The following CPLANE1 variants were observed in gnomAD, a reference collection of about 807,000 sequenced individuals.
The protein encoded by CPLANE1 is ciliogenesis and planar polarity effector complex subunit 1.
In CPLANE1, 263 loss-of-function variants were observed where a neutral mutation model predicts 362.5. The ratio of observed to expected loss-of-function variants is 0.73; its 90% CI spans 0.66 to 0.80. The LOEUF (loss-of-function observed/expected upper bound fraction) is 0.80. CPLANE1 is among the 30% of genes least tolerant of loss of function. The pLI is 0.00. For synonymous variants in CPLANE1, 1,212 were observed against 1,302.6 expected, an observed-to-expected ratio of 0.93 and a Z score of 1.50; for missense variants, 3,461 against 3,793.4, an observed-to-expected ratio of 0.91 and a Z score of 2.30.
chr5:37,156,127 T>C (rs539465737), intron 41 of CPLANE1, among the ~76,000 whole-genome samples: 1 of 152,374 alleles, frequency 6.6e-6, no homozygotes, highest in Admixed American at 6.5e-5. Flanking sequence ...ACTGTCATTA[T>C]ACAATAATCA....
chr5:37,164,198 T>TGTA (rs1376544628), intron 37 of CPLANE1, 75 bp downstream of exon 37: 1 of 1,161,464 alleles, frequency 8.6e-7, no homozygotes, highest in African/African-American at 1.5e-5. Flanking sequence ...AGCCTCATTT[T>TGTA]CATATTGTAC....
At chr5:37,184,685 A>G in intron 25 of CPLANE1, 103 bp downstream of exon 25, 7 of 881,290 alleles carry the variant, frequency 7.9e-6, no homozygotes, top group Non-Finnish European at 1.2e-5. Flanking sequence ...TATTAATAGC[A>G]CAATCAGTGA....
chr5:37,157,362 C>T lies in CPLANE1; in HGVS notation c.8070G>A (p.Lys2690=), dbSNP rs1213183687. ...KSLRAGITEV[K]EPSVTSPTPS... is the part of the protein sequence containing the mutation. ...GTGTAGGTGAGGTGACACTAGGCTC[C>T]TTCACTTCTGTAATGCCTGCTCTCA... The change falls in exon 41 of 53, where the codon AAG becomes AAA. Residue 2690 remains lysine (K), a synonymous_variant. Coordinates refer to ENST00000651892, the MANE Select transcript of CPLANE1 (RefSeq NM_001384732.1). The T allele has an allele frequency of 1.4e-6, 2 of 1,399,216 alleles. No homozygotes were observed. The highest frequency in any genetic ancestry group is 2.3e-5 in the South Asian group (2 of 88,440). The allele number at this position is 1,399,216 out of a possible 1,614,324, so 86.7% of individuals were successfully genotyped here.
chr5:37,173,394 T>C (rs1000595934), intron 32 of CPLANE1, among the ~76,000 whole-genome samples: 4 of 152,156 alleles, frequency 2.6e-5, no homozygotes, highest in South Asian at 2.1e-4. Context: ...TCAGTAAAAA[T>C]AGGTCATTGT....
chr5:37,217,464 G>A (rs1403576319), intron 15 of CPLANE1, among the ~76,000 whole-genome samples: 1 of 151,374 alleles, frequency 6.6e-6, no homozygotes, highest in Non-Finnish European at 1.5e-5. Flanking sequence ...AAAATTAGCT[G>A]GGCATGGTGG....
chr5:37,232,188 C>T (rs1199848842), intron 8 of CPLANE1, among the ~76,000 whole-genome samples: 1 of 152,118 alleles, frequency 6.6e-6, no homozygotes, highest in African/African-American at 2.4e-5. Context: ...ACTATTGACT[C>T]AGATGTACAG....
chr5:37,107,574 T>A lies in CPLANE1; in HGVS notation c.*28A>T, dbSNP rs372589075. On this transcript the variant is annotated 3_prime_UTR_variant, in exon 53 of 53. Coordinates refer to ENST00000651892, the MANE Select transcript of CPLANE1 (RefSeq NM_001384732.1). ...ACCACATTACTGAGGTGCTGGCCTG[T>A]GCATGGAAACCCAATGATATCCAGG... 2 of 1,586,602 alleles carry A rather than the reference T, an allele frequency of 1.3e-6. No individual in the cohort carries two copies. Among genetic ancestry groups the A allele is most frequent in the African/African-American group, 1.3e-5 (1 of 74,356 alleles).
chr5:37,120,320 C>T lies in CPLANE1; in HGVS notation c.9206G>A (p.Ser3069Asn), dbSNP rs762501521. ...SPRGENQHGH[S>N]FLINRPGKVK... ...TTTTCCAGGTCGATTTATTAGAAAA[C>T]TGTGACCATGTTGATTCTCTCTATA... Residue 3069 changes from serine (S) to asparagine (N), a missense_variant, in exon 50 of 53, where the codon AGT (serine) becomes AAT (asparagine). Ser to Asn is a conservative substitution (Grantham distance 46). This residue lies in a region of CPLANE1 where 3,380 missense variants were observed against 3,666.1 expected (regional missense o/e 0.92). Coordinates refer to ENST00000651892, the MANE Select transcript of CPLANE1 (RefSeq NM_001384732.1). 2 of 1,586,474 alleles carry T rather than the reference C, an allele frequency of 1.3e-6. No homozygotes were observed. The highest frequency in any genetic ancestry group is 1.9e-5 in the Admixed American group (1 of 52,362).
intron 45 of CPLANE1, 37 bp from the exon 46 acceptor site, chr5:37,138,885 G>A: frequency 6.4e-7 from 1 of 1,571,012 alleles, no homozygotes; most frequent in Non-Finnish European, 8.6e-7. Context: ...ATATAAATCA[G>A]TATCTACAAC....
chr5:37,137,971 G>A lies in CPLANE1; in HGVS notation c.8792+749C>T, dbSNP rs560113142. ...TTGCTTTAAGGCCAAGCATTTGGTCGATCTTGGAGTATATTCTGTGTGCAG... is the reference window on the plus strand; with the variant it reads ...TTGCTTTAAGGCCAAGCATTTGGTCAATCTTGGAGTATATTCTGTGTGCAG... On this transcript the variant is annotated intron_variant, in intron 46 of 52. Coordinates refer to ENST00000651892, the MANE Select transcript of CPLANE1 (RefSeq NM_001384732.1). Among the ~76,000 whole-genome samples, 12 of 151,806 alleles carry A rather than the reference G, an allele frequency of 7.9e-5. No homozygotes were observed. The highest frequency in any genetic ancestry group is 1.7e-4 in the African/African-American group (7 of 41,370).
chr5:37,157,766 G>T lies in CPLANE1; in HGVS notation c.7915C>A (p.Gln2639Lys), dbSNP rs200125242. The T allele has an allele frequency of 2.5e-6, 4 of 1,613,634 alleles. No individual in the cohort carries two copies. The highest frequency in any genetic ancestry group is 4.5e-5 in the East Asian group (2 of 44,854). ...EPSNDNVIKQ[Q>K]SDHLAVPSSA... The stretch of plus-strand genomic sequence containing the variant: ...GATGGAACTGCTAGATGATCGCTTT[G>T]CTGTTTGATAACATTATCATTTGAA... The change falls in exon 40 of 53, where the codon CAA becomes AAA. Residue 2639 changes from glutamine to lysine, a missense_variant. By Grantham distance (53) the Gln-to-Lys change is moderately conservative. Around this residue, in one of 2 missense-constraint regions of CPLANE1, gnomAD observed 3,380 missense variants for 3,666.1 expected, o/e 0.92. Coordinates refer to ENST00000651892, the MANE Select transcript of CPLANE1 (RefSeq NM_001384732.1).
chr5:37,189,102 G>A (rs746245189), intron 21 of CPLANE1, among the ~76,000 whole-genome samples: 7 of 152,072 alleles, frequency 4.6e-5, no homozygotes, highest in Non-Finnish European at 7.4e-5. Flanking sequence ...ACCTGCCTTG[G>A]ATTACAGGCA....
intron 2 of CPLANE1, chr5:37,246,152 C>A (rs1739551873): frequency 1.5e-5 from 2 of 129,932 alleles, no homozygotes; most frequent in East Asian, 2.2e-4. Context: ...ACTTTTTAAT[C>A]TTTTTTTTTT....
intron 6 of CPLANE1, among the ~76,000 whole-genome samples, chr5:37,240,226 T>C (rs1315240550): frequency 6.6e-6 from 1 of 152,140 alleles, no homozygotes; most frequent in Non-Finnish European, 1.5e-5. Flanking sequence ...GGAGTGCACC[T>C]GTAATCCAAG....
rs548988455 is a variant in CPLANE1 at position 37,134,944 on chromosome 5, C to T, written c.8792+3776G>A. 5.9e-5 allele frequency among the ~76,000 whole-genome samples: 9 copies of T among 152,114 alleles called. No homozygotes were observed. The East Asian group carries it at 1.2e-3, about 20-fold the overall frequency. On this transcript the variant is annotated intron_variant, in intron 46 of 52. Coordinates refer to ENST00000651892, the MANE Select transcript of CPLANE1 (RefSeq NM_001384732.1). Reference sequence around the variant, plus strand: ...GAGTAGCTGGGATTACAGGCATGTGCCACCATGCCCAGCTAATTTTGTATT... The same window carrying T: ...GAGTAGCTGGGATTACAGGCATGTGTCACCATGCCCAGCTAATTTTGTATT...
chr5:37,147,564 G>A lies in CPLANE1; in HGVS notation c.8461+617C>T, dbSNP rs1174546167. 3.3e-5 allele frequency among the ~76,000 whole-genome samples: 5 copies of A among 151,932 alleles called. No homozygotes were observed. The East Asian group carries it at 9.6e-4, about 29-fold the overall frequency. The stretch of plus-strand genomic sequence containing the variant: ...AATAAAGTTAGAAAAAAGCCAACAA[G>A]TTAATGCCCCCAAAATAGAAGAAAT... On this transcript the variant is annotated intron_variant, in intron 43 of 52. Transcript: ENST00000651892.
chr5:37,213,478 T>G, intron 16 of CPLANE1, 81 bp downstream of exon 16: 1 of 907,120 alleles, frequency 1.1e-6, no homozygotes, highest in East Asian at 2.9e-5. Context: ...CATTGAGTAA[T>G]GGCCTCTGTA....
At chr5:37,168,686 G>A (rs2150927050) in intron 34 of CPLANE1, 105 bp downstream of exon 34, 1 of 938,430 alleles carries the variant, frequency 1.1e-6, no homozygotes, top group East Asian at 2.4e-5. Flanking sequence ...TCTATAACAA[G>A]CATTTTTTTA....
chr5:37,160,274 T>C (rs1776472890), intron 38 of CPLANE1, among the ~76,000 whole-genome samples: 1 of 152,114 alleles, frequency 6.6e-6, no homozygotes, highest in Non-Finnish European at 1.5e-5. Flanking sequence ...TGTTTCTCAG[T>C]TCCGATGTGG....
Sources: allele counts gnomAD v4.1 joint callset (sites outside exome capture counted in the v4.1 genomes callset), GRCh38; gene constraint gnomAD v4.1.1; regional missense constraint gnomAD v4.1.1; transcripts MANE v1.5; gene names NCBI Gene and HGNC (gene_info 2026-07-23, HGNC 2026-07-21).